Variants in ESRRG observed in about 807,000 individuals in gnomAD.
ESRRG encodes estrogen related receptor gamma, also known as estrogen-related receptor gamma.
ESRRG carries 13 observed loss-of-function variants against 44.0 expected under a neutral mutation model. That is an observed-to-expected ratio of 0.30 (90% CI 0.19 to 0.47). The LOEUF (loss-of-function observed/expected upper bound fraction) is 0.47. Among genes scored for constraint, ESRRG ranks in the 20% least tolerant of loss-of-function variants. The probability of loss-of-function intolerance (pLI) is 1.00; values close to 1 mark genes in which losing one functional copy is unlikely to be tolerated. For synonymous variants in ESRRG, 215 were observed against 214.6 expected (o/e 1.00, Z -0.02); for missense variants, 395 against 580.6 (o/e 0.68, Z 3.29).
intron 3 of ESRRG, among the ~76,000 whole-genome samples, chr1:216,633,741 C>T (rs2064717991): frequency 6.6e-6 from 1 of 152,120 alleles, no homozygotes; most frequent in Non-Finnish European, 1.5e-5. Context: ...AACTGACATT[C>T]CTGTCAATTA....
At chr1:216,784,058 T>C (rs1293674303) in intron 2 of ESRRG, among the ~76,000 whole-genome samples, 1 of 152,036 alleles carries the variant, frequency 6.6e-6, no homozygotes, top group African/African-American at 2.4e-5. Context: ...CCTGAGCAAA[T>C]TACATTTCAT....
chr1:216,566,266 C>G (rs1232021341), intron 4 of ESRRG, among the ~76,000 whole-genome samples: 1 of 152,184 alleles, frequency 6.6e-6, no homozygotes. Flanking sequence ...TCTCTTGACA[C>G]TTATCTGACA....
At chr1:216,711,659 T>C (rs1184353279) in intron 1 of ESRRG, among the ~76,000 whole-genome samples, 3 of 152,212 alleles carry the variant, frequency 2.0e-5, no homozygotes, top group African/African-American at 7.2e-5. Context: ...CAGATAAATG[T>C]AAACTTTTTC....
At chr1:216,652,217 C>T (rs1344981504) in intron 2 of ESRRG, among the ~76,000 whole-genome samples, 2 of 152,160 alleles carry the variant, frequency 1.3e-5, no homozygotes, top group African/African-American at 4.8e-5. Flanking sequence ...ACTCAGGGTC[C>T]GTCCAAGTCC....
chr1:216,846,061 G>A (rs1341134297), intron 2 of ESRRG, among the ~76,000 whole-genome samples: 1 of 152,090 alleles, frequency 6.6e-6, no homozygotes, highest in Non-Finnish European at 1.5e-5. Context: ...TAAAAACACA[G>A]TAGCAAATTT....
intron 2 of ESRRG, among the ~76,000 whole-genome samples, chr1:216,850,411 C>T (rs1167156989): frequency 1.3e-5 from 2 of 151,988 alleles, no homozygotes; most frequent in East Asian, 3.9e-4. Context: ...GTGTGAGTGA[C>T]ATTAAGTTTA....
intron 1 of ESRRG, among the ~76,000 whole-genome samples, chr1:217,111,942 G>T (rs902482928): frequency 6.6e-6 from 1 of 151,958 alleles, no homozygotes; most frequent in Admixed American, 6.6e-5. Context: ...CTCTTGAAAC[G>T]TTCTCTCTCA....
At chr1:216,883,270 A>G (rs772030618) in intron 2 of ESRRG, among the ~76,000 whole-genome samples, 15 of 151,596 alleles carry the variant, frequency 9.9e-5, no homozygotes, top group Non-Finnish European at 1.8e-4. Context: ...CCTTAATTCC[A>G]GCTAGTTGGG....
chr1:217,081,221 C>CTT (rs143325476), intron 1 of ESRRG, among the ~76,000 whole-genome samples: 7,414 of 69,606 alleles, frequency 0.11, 1,338 homozygotes, highest in Admixed American at 0.16. Context: ...TAAAAATATT[C>CTT]TTTTTTTTTT....
intron 2 of ESRRG, among the ~76,000 whole-genome samples, chr1:216,873,628 G>A (rs1035941480): frequency 6.6e-6 from 1 of 151,698 alleles, no homozygotes; most frequent in African/African-American, 2.4e-5. Flanking sequence ...GAAATCTGGG[G>A]CTTTAGTTAT....
At chr1:216,981,735 G>C (rs1009345033) in intron 1 of ESRRG, among the ~76,000 whole-genome samples, 8 of 151,734 alleles carry the variant, frequency 5.3e-5, no homozygotes, top group African/African-American at 1.9e-4. Flanking sequence ...ACATACGCAC[G>C]CACACACAGC....
At chr1:216,778,681 G>A (rs1389820645) in intron 2 of ESRRG, among the ~76,000 whole-genome samples, 1 of 151,930 alleles carries the variant, frequency 6.6e-6, no homozygotes, top group Non-Finnish European at 1.5e-5. Flanking sequence ...ACTTTTGGCT[G>A]AAATGTATTG....
chr1:216,969,367 T>C (rs6678166), intron 1 of ESRRG, among the ~76,000 whole-genome samples: 2,370 of 152,228 alleles, frequency 0.016, 68 homozygotes, highest in African/African-American at 0.055. Flanking sequence ...CTTATGGTGT[T>C]CAAGGAACTT....
At chr1:216,588,721 A>T (rs557298348) in intron 3 of ESRRG, among the ~76,000 whole-genome samples, 252 of 152,340 alleles carry the variant, frequency 1.7e-3, no homozygotes, top group Non-Finnish European at 3.1e-3. Context: ...AAAGAGCATC[A>T]GTACTATCAT....
chr1:216,871,461 A>G (rs2096258557), intron 2 of ESRRG, among the ~76,000 whole-genome samples: 1 of 151,982 alleles, frequency 6.6e-6, no homozygotes, highest in African/African-American at 2.4e-5. Flanking sequence ...TACTGGGTGG[A>G]GTGCTCTAAA....
At chr1:217,011,052 G>A (rs753493883) in intron 1 of ESRRG, among the ~76,000 whole-genome samples, 27 of 152,222 alleles carry the variant, frequency 1.8e-4, no homozygotes, top group African/African-American at 7.2e-5. Context: ...ATATACTGAC[G>A]ATACCAAGGT....
intron 1 of ESRRG, among the ~76,000 whole-genome samples, chr1:217,032,510 A>G (rs2082222968): frequency 6.6e-6 from 1 of 152,226 alleles, no homozygotes; most frequent in Non-Finnish European, 1.5e-5. Context: ...AGTGTTTTAA[A>G]TTGTTCAATG....
At chr1:216,549,165 G>A (rs2055482883) in intron 5 of ESRRG, among the ~76,000 whole-genome samples, 1 of 151,984 alleles carries the variant, frequency 6.6e-6, no homozygotes, top group African/African-American at 2.4e-5. Context: ...ACTGGAGAAG[G>A]CAAATAACTT....
intron 1 of ESRRG, among the ~76,000 whole-genome samples, chr1:217,133,631 T>TTCTCTC (rs375424445): frequency 1.7e-5 from 1 of 58,446 alleles, no homozygotes; most frequent in Admixed American, 1.7e-4. Context: ...CTTTCTTTCT[T>TTCTCTC]TCTCTCTCTC....
Sources: allele counts gnomAD v4.1 joint callset (sites outside exome capture counted in the v4.1 genomes callset), GRCh38; gene constraint gnomAD v4.1.1; transcripts MANE v1.5; gene names NCBI Gene and HGNC (gene_info 2026-07-23, HGNC 2026-07-21).